The following TANC2 variants were observed in gnomAD, a reference collection of about 807,000 sequenced individuals.
The protein encoded by TANC2 is protein TANC2.
A neutral mutation model predicts 210.5 loss-of-function variants in TANC2; 26 were observed. The observed-to-expected ratio is 0.12, with a 90% CI of 0.09 to 0.17. The LOEUF (loss-of-function observed/expected upper bound fraction) is 0.17, where lower values mean the gene tolerates loss of function less well. TANC2 is among the 10% of genes least tolerant of loss of function. The pLI is 1.00. For missense variants in TANC2, 2,129 were observed against 2,608.9 expected (o/e 0.82, Z 4.01); for synonymous variants, 931 against 967.1 (o/e 0.96, Z 0.69).
intron 11 of TANC2, among the ~76,000 whole-genome samples, chr17:63,326,518 G>A (rs576884825): frequency 1.3e-5 from 2 of 152,032 alleles, no homozygotes; most frequent in South Asian, 2.1e-4. Flanking sequence ...ATTTGGCCAC[G>A]TGAAAAAATT....
intron 1 of TANC2, chr17:63,005,295 C>T (rs1296241233): frequency 6.6e-6 from 1 of 151,982 alleles, no homozygotes; most frequent in Non-Finnish European, 1.5e-5. Flanking sequence ...TTCTGTTGAT[C>T]TACTTGTTAG....
intron 7 of TANC2, among the ~76,000 whole-genome samples, chr17:63,233,433 C>T (rs2042536410): frequency 6.6e-6 from 1 of 152,210 alleles, no homozygotes; most frequent in Non-Finnish European, 1.5e-5. Context: ...CAGGGTAACA[C>T]AATCACTCAC....
At chr17:63,387,218 G>T (rs2047812403) in intron 15 of TANC2, among the ~76,000 whole-genome samples, 1 of 151,472 alleles carries the variant, frequency 6.6e-6, no homozygotes, top group South Asian at 2.1e-4. Context: ...TCCCCACAGG[G>T]AGAAAAAAAA....
At chr17:63,164,896 A>T (rs935983948) in intron 5 of TANC2, among the ~76,000 whole-genome samples, 1 of 152,096 alleles carries the variant, frequency 6.6e-6, no homozygotes, top group Admixed American at 6.5e-5. Context: ...TTAAATGCTA[A>T]TCTCCCCTAG....
chr17:63,022,867 A>G (rs537721565), intron 2 of TANC2, among the ~76,000 whole-genome samples: 1 of 152,324 alleles, frequency 6.6e-6, no homozygotes, highest in East Asian at 1.9e-4. Flanking sequence ...GGTACATGCC[A>G]TAGATTGTGG....
At chr17:63,272,040 T>C (rs946546739) in intron 9 of TANC2, among the ~76,000 whole-genome samples, 4 of 152,168 alleles carry the variant, frequency 2.6e-5, no homozygotes, top group African/African-American at 9.6e-5. Flanking sequence ...CCTATTTCTT[T>C]ATCCAGAATG....
chr17:63,362,063 C>G (rs2046974942), intron 14 of TANC2, among the ~76,000 whole-genome samples: 1 of 151,876 alleles, frequency 6.6e-6, no homozygotes, highest in African/African-American at 2.4e-5. Context: ...GAGAGGAGAC[C>G]TGGAGTGGAT....
chr17:63,287,152 C>G (rs1014819781), intron 9 of TANC2, among the ~76,000 whole-genome samples: 2 of 152,088 alleles, frequency 1.3e-5, no homozygotes, highest in African/African-American at 4.8e-5. Flanking sequence ...AGGCTGGTCT[C>G]AAACTCCTGA....
chr17:62,992,397 C>T lies in TANC2; in HGVS notation c.-23-17140C>T, dbSNP rs78409413. Reference sequence around the variant, plus strand: ...TTATGTGATATGTTGTGAGATTCTGCTGTCCTCTGAACTCTTCAGACATGG... The same window carrying T: ...TTATGTGATATGTTGTGAGATTCTGTTGTCCTCTGAACTCTTCAGACATGG... On this transcript the variant is annotated intron_variant, in intron 1 of 27. Coordinates refer to ENST00000689528, the Ensembl canonical transcript of TANC2. Among the ~76,000 whole-genome samples the T allele has an allele frequency of 6.0e-3, 908 of 152,300 alleles. 5 individuals carry two copies. The highest frequency in any genetic ancestry group is 7.7e-3 in the Non-Finnish European group (526 of 68,022).
At position 63,092,564 on chromosome 17, in the gene TANC2, G is replaced by C. The variant is rs994545726; in HGVS notation, c.140-6611G>C. ...TAATTGGCTCACAATTCTGGAAGCT[G>C]TACAGGAATCATGGTGCTGGCATCT... is the stretch of plus-strand genomic sequence containing the variant. On this transcript the variant is annotated intron_variant, in intron 3 of 27. Coordinates refer to ENST00000689528, the Ensembl canonical transcript of TANC2. 2.6e-5 allele frequency among the ~76,000 whole-genome samples: 4 copies of C among 152,130 alleles called. No homozygotes were observed. In the East Asian group the frequency reaches 5.8e-4, roughly 22 times the overall value.
At chr17:63,402,132 C>T (rs181310467) in intron 19 of TANC2, among the ~76,000 whole-genome samples, 55 of 152,272 alleles carry the variant, frequency 3.6e-4, no homozygotes, top group African/African-American at 1.3e-3. Context: ...CTGTCTTCTC[C>T]AGTAATTCCA....
intron 2 of TANC2, among the ~76,000 whole-genome samples, chr17:63,041,115 A>G (rs777121080): frequency 1.1e-4 from 16 of 152,168 alleles, no homozygotes; most frequent in Non-Finnish European, 1.9e-4. Flanking sequence ...AGTAGTCTCC[A>G]TAGTACTCAT....
At chr17:63,003,975 GCAGA>G (rs1431309238) in intron 1 of TANC2, among the ~76,000 whole-genome samples, 6 of 151,972 alleles carry the variant, frequency 3.9e-5, no homozygotes, top group Non-Finnish European at 8.8e-5. Context: ...CAGGACATGG[GCAGA>G]CAATCATTAA....
chr17:63,196,595 G>C (rs1021016082), intron 6 of TANC2, among the ~76,000 whole-genome samples: 1 of 152,140 alleles, frequency 6.6e-6, no homozygotes, highest in South Asian at 2.1e-4. Flanking sequence ...AAGTAAATGA[G>C]TAGTATCATT....
chr17:63,072,710 A>C (rs551460406), intron 2 of TANC2, among the ~76,000 whole-genome samples: 1 of 152,170 alleles, frequency 6.6e-6, no homozygotes, highest in Admixed American at 6.5e-5. Context: ...CAATGTACTT[A>C]TTATTTTGTA....
intron 2 of TANC2, among the ~76,000 whole-genome samples, chr17:63,011,417 C>CA (rs1224597055): frequency 6.6e-6 from 1 of 152,134 alleles, no homozygotes. Flanking sequence ...ATGTGAATGT[C>CA]ACAGTTACTG....
chr17:63,222,989 T>G (rs1249722774), intron 7 of TANC2, among the ~76,000 whole-genome samples: 1 of 152,228 alleles, frequency 6.6e-6, no homozygotes, highest in South Asian at 2.1e-4. Flanking sequence ...ACTGCAACAT[T>G]GGCGAATCTC....
intron 1 of TANC2, 87 bp from the exon 2 acceptor site, chr17:63,009,450 A>G (rs1217772064): frequency 1.2e-6 from 1 of 823,626 alleles, no homozygotes; most frequent in African/African-American, 1.7e-5. Flanking sequence ...AGTTATTAAA[A>G]CATGTATAGT....
intron 8 of TANC2, among the ~76,000 whole-genome samples, chr17:63,263,947 T>A (rs1051824522): frequency 6.6e-6 from 1 of 152,184 alleles, no homozygotes; most frequent in Non-Finnish European, 1.5e-5. Context: ...TGTAACAAAC[T>A]ATACGGAAAT....
Sources: gnomAD v4.1 joint callset for allele counts (sites outside exome capture counted in the v4.1 genomes callset) on GRCh38, gnomAD v4.1.1 for gene constraint, MANE v1.5 for transcripts, NCBI Gene and HGNC (gene_info 2026-07-23, HGNC 2026-07-21) for gene names.